Variants in ITGBL1 observed in about 807,000 individuals in gnomAD.
ITGBL1 encodes the protein integrin subunit beta like 1, also known as integrin beta-like protein 1.
ITGBL1 carries 51 observed loss-of-function variants against 68.5 expected under a neutral mutation model. That is an observed-to-expected ratio of 0.74 (90% CI 0.59 to 0.94). The LOEUF is 0.94. Among genes scored for constraint, ITGBL1 ranks in the 40% least tolerant of loss-of-function variants. ITGBL1 has a pLI of 0.00. For missense variants in ITGBL1, 649 were observed against 647.4 expected (o/e 1.00, Z -0.03); for synonymous variants, 209 against 227.3 (o/e 0.92, Z 0.72).
At chr13:101,453,831 G>T in intron 1 of ITGBL1, 52 bp from the exon 2 acceptor site, 1 of 1,178,410 alleles carries the variant, frequency 8.5e-7, no homozygotes, top group Non-Finnish European at 1.1e-6. Flanking sequence ...TTCGGAGCAG[G>T]GGGCGGCGTC....
intron 2 of ITGBL1, among the ~76,000 whole-genome samples, chr13:101,517,178 C>G (rs2049208848): frequency 6.6e-6 from 1 of 152,048 alleles, no homozygotes; most frequent in South Asian, 2.1e-4. Flanking sequence ...GCATTTCAGG[C>G]AAGAGACCAA....
intron 2 of ITGBL1, among the ~76,000 whole-genome samples, chr13:101,558,104 A>G (rs2050039232): frequency 7.8e-6 from 1 of 127,810 alleles, no homozygotes; most frequent in Admixed American, 8.2e-5. Flanking sequence ...AAAAAAAAAA[A>G]AAAAAAAAAA....
intron 7 of ITGBL1, among the ~76,000 whole-genome samples, chr13:101,602,176 G>C (rs796975164): frequency 1.3e-5 from 2 of 152,016 alleles, no homozygotes; most frequent in Non-Finnish European, 2.9e-5. Flanking sequence ...CCATCTAATT[G>C]TCCACTGACA....
intron 2 of ITGBL1, 105 bp downstream of exon 2, chr13:101,454,205 ATAAGCACCAAT>A (rs2048207690): frequency 1.5e-6 from 1 of 675,602 alleles, no homozygotes; most frequent in African/African-American, 1.9e-5. Context: ...CTCCCTTCAC[ATAAGCACCAAT>A]TAAGTTACTG....
intron 7 of ITGBL1, among the ~76,000 whole-genome samples, chr13:101,603,797 T>C (rs753779674): frequency 3.3e-5 from 5 of 151,944 alleles, no homozygotes; most frequent in Non-Finnish European, 5.9e-5. Context: ...ATCTCAAAAA[T>C]AGATTTTTGA....
chr13:101,636,326 C>T (rs535532264), intron 7 of ITGBL1, among the ~76,000 whole-genome samples: 4 of 152,112 alleles, frequency 2.6e-5, no homozygotes, highest in Non-Finnish European at 5.9e-5. Flanking sequence ...CTTTAATACT[C>T]AAACATATAT....
At chr13:101,457,236 T>C (rs994029083) in intron 2 of ITGBL1, among the ~76,000 whole-genome samples, 1 of 152,128 alleles carries the variant, frequency 6.6e-6, no homozygotes, top group Non-Finnish European at 1.5e-5. Context: ...GATGGGTAGA[T>C]AGATAGCTGG....
chr13:101,621,702 C>A (rs2031590505), intron 7 of ITGBL1, among the ~76,000 whole-genome samples: 1 of 152,096 alleles, frequency 6.6e-6, no homozygotes, highest in East Asian at 1.9e-4. Flanking sequence ...GAAGATAATA[C>A]AAAAAGAAAG....
At chr13:101,637,445 G>C (rs1265064588) in intron 7 of ITGBL1, among the ~76,000 whole-genome samples, 1 of 150,516 alleles carries the variant, frequency 6.6e-6, no homozygotes, top group Non-Finnish European at 1.5e-5. Context: ...CTGGGTTCAA[G>C]CCATTCTCCT....
chr13:101,608,327 C>A (rs974515039), intron 7 of ITGBL1, among the ~76,000 whole-genome samples: 2 of 151,052 alleles, frequency 1.3e-5, no homozygotes, highest in African/African-American at 2.4e-5. Context: ...CTTTAATTTC[C>A]TGTTTTATTT....
At chr13:101,680,081 T>G (rs1168848443) in intron 7 of ITGBL1, among the ~76,000 whole-genome samples, 1 of 152,208 alleles carries the variant, frequency 6.6e-6, no homozygotes, top group Admixed American at 6.6e-5. Context: ...GAAGTTTTAC[T>G]GGCTGTTTTG....
At chr13:101,501,517 C>T (rs1253103025) in intron 2 of ITGBL1, among the ~76,000 whole-genome samples, 1 of 152,114 alleles carries the variant, frequency 6.6e-6, no homozygotes, top group Admixed American at 6.6e-5. Flanking sequence ...CTCAACAACA[C>T]TTTAAATACA....
chr13:101,495,369 G>A (rs2048841823), intron 2 of ITGBL1, among the ~76,000 whole-genome samples: 4 of 152,126 alleles, frequency 2.6e-5, no homozygotes, highest in Non-Finnish European at 4.4e-5. Context: ...GTAATGCTCT[G>A]TCTGTATTCC....
chr13:101,464,725 A>G lies in ITGBL1; in HGVS notation c.316+10625A>G, dbSNP rs556753255. On this transcript the variant is annotated intron_variant, in intron 2 of 10. Transcript: ENST00000376180. The stretch of plus-strand genomic sequence containing the variant: ...TATTTGATACCCTAATTTTATACAC[A>G]TACGCCATACATATGTGAATATGTA... Among the ~76,000 whole-genome samples, 8 of 152,288 alleles carry G rather than the reference A, an allele frequency of 5.3e-5. No individual in the cohort carries two copies. The South Asian group carries it at 1.2e-3, about 24-fold the overall frequency.
chr13:101,578,408 C>A (rs1405640519), intron 4 of ITGBL1, among the ~76,000 whole-genome samples: 2 of 152,076 alleles, frequency 1.3e-5, no homozygotes, highest in African/African-American at 4.8e-5. Flanking sequence ...AAAACAAGAA[C>A]AAGGACATAC....
At chr13:101,704,341 G>C (rs1011031482) in intron 8 of ITGBL1, among the ~76,000 whole-genome samples, 3 of 152,134 alleles carry the variant, frequency 2.0e-5, no homozygotes, top group African/African-American at 7.2e-5. Flanking sequence ...GAGAAAATCA[G>C]GGGCTGGAGA....
chr13:101,707,856 G>GA lies in ITGBL1; in HGVS notation c.1279+970dup, dbSNP rs571925236. The stretch of plus-strand genomic sequence containing the variant: ...CAACAGAGCAAGACTCCATCTCCCA[G>GA]AAAAAAAAAAAAAAAAGGTAATAAT... On this transcript the variant is annotated intron_variant, in intron 9 of 10. Coordinates refer to ENST00000376180, the MANE Select transcript of ITGBL1 (RefSeq NM_004791.3). Among the ~76,000 whole-genome samples the GA allele has an allele frequency of 5.2e-3, 364 of 69,582 alleles. 1 individual carries two copies. Among genetic ancestry groups the GA allele is most frequent in the Middle Eastern group, 0.037 (4 of 108 alleles). The allele number at this position is 69,582 out of a possible 152,430, so 45.6% of individuals were successfully genotyped here.
chr13:101,651,040 T>C (rs1192421230), intron 7 of ITGBL1, among the ~76,000 whole-genome samples: 1 of 152,190 alleles, frequency 6.6e-6, no homozygotes, highest in Non-Finnish European at 1.5e-5. Context: ...TTTTCTTTAG[T>C]CTATCATTGA....
At chr13:101,536,410 G>T (rs914725581) in intron 2 of ITGBL1, among the ~76,000 whole-genome samples, 2 of 151,966 alleles carry the variant, frequency 1.3e-5, no homozygotes, top group African/African-American at 2.4e-5. Flanking sequence ...ATATATAATT[G>T]TAAAATAAAT....
Sources: gnomAD v4.1 joint callset for allele counts (sites outside exome capture counted in the v4.1 genomes callset) on GRCh38, gnomAD v4.1.1 for gene constraint, MANE v1.5 for transcripts, NCBI Gene and HGNC (gene_info 2026-07-23, HGNC 2026-07-21) for gene names.